CNTN5: variants seen among roughly 807,000 people sequenced by gnomAD.
The protein encoded by CNTN5 is contactin 5.
CNTN5 carries 77 observed loss-of-function variants against 129.1 expected under a neutral mutation model. The ratio of observed to expected loss-of-function variants is 0.60; its 90% CI spans 0.50 to 0.72. The LOEUF is 0.72. Ranked by LOEUF, CNTN5 falls within the 30% of genes least tolerant of loss-of-function variation. CNTN5 has a pLI of 0.00. For synonymous variants in CNTN5, 509 were observed against 465.6 expected, an observed-to-expected ratio of 1.09 and a Z score of -1.20; for missense variants, 1,478 against 1,328.8, an observed-to-expected ratio of 1.11 and a Z score of -1.75.
intron 18 of CNTN5, among the ~76,000 whole-genome samples, chr11:100,289,084 C>A (rs1050978632): frequency 1.3e-5 from 2 of 152,068 alleles, no homozygotes; most frequent in African/African-American, 2.4e-5. Flanking sequence ...CTGAACAGAC[C>A]AATAACAGGA....
At chr11:100,336,790 T>G (rs1257656008) in intron 21 of CNTN5, 1 of 341,414 alleles carries the variant, frequency 2.9e-6, no homozygotes, top group East Asian at 6.7e-5. Context: ...CTCCGGATTC[T>G]GAGGTGTTCT....
chr11:99,317,151 T>G (rs1461677), intron 1 of CNTN5, among the ~76,000 whole-genome samples: 142,834 of 152,118 alleles, frequency 0.94, 67,111 homozygotes, highest in East Asian at 1. Context: ...TAGGGGAGAT[T>G]ATTTTTTCAA....
chr11:99,195,260 T>C (rs1316458228), intron 1 of CNTN5, among the ~76,000 whole-genome samples: 1 of 152,180 alleles, frequency 6.6e-6, no homozygotes, highest in Non-Finnish European at 1.5e-5. Flanking sequence ...CATGCCCCTA[T>C]TACTAGACAT....
intron 2 of CNTN5, among the ~76,000 whole-genome samples, chr11:99,507,959 A>G (rs994906639): frequency 6.6e-6 from 1 of 152,294 alleles, no homozygotes; most frequent in Non-Finnish European, 1.5e-5. Flanking sequence ...TATGAAGTAA[A>G]TGTTAGTTTT....
chr11:100,354,081 T>C (rs1591538115), intron 24 of CNTN5, among the ~76,000 whole-genome samples: 1 of 151,706 alleles, frequency 6.6e-6, no homozygotes, highest in East Asian at 1.9e-4. Context: ...CCTCAATTAC[T>C]CTAAGCAAGT....
At position 99,698,534 on chromosome 11, in the gene CNTN5, G is replaced by A. The variant is rs147888685; in HGVS notation, c.56-121010G>A. On this transcript the variant is annotated intron_variant, in intron 3 of 24. Coordinates refer to ENST00000524871, the MANE Select transcript of CNTN5 (RefSeq NM_014361.4). ...CTGACTGTAGTTGCATGCTTATGGT[G>A]ACAGAGGCAATACTTTAACACTACC... is the stretch of plus-strand genomic sequence containing the variant. Among the ~76,000 whole-genome samples the A allele has an allele frequency of 1.3e-4, 19 of 151,490 alleles. No individual in the cohort carries two copies. In the East Asian group the frequency reaches 3.5e-3, roughly 28 times the overall value.
intron 1 of CNTN5, among the ~76,000 whole-genome samples, chr11:99,289,200 TCTTC>T (rs1320142676): frequency 1.3e-5 from 2 of 151,902 alleles, no homozygotes; most frequent in African/African-American, 4.8e-5. Flanking sequence ...TATGCTATTA[TCTTC>T]CTTCCTCTGC....
chr11:99,942,576 A>G (rs777221866), intron 7 of CNTN5, among the ~76,000 whole-genome samples: 3 of 152,064 alleles, frequency 2.0e-5, no homozygotes, highest in Non-Finnish European at 4.4e-5. Flanking sequence ...GGTTTGTTAC[A>G]TAGGTAATGT....
chr11:99,830,922 T>C (rs11221547), intron 4 of CNTN5, among the ~76,000 whole-genome samples: 23,717 of 152,164 alleles, frequency 0.16, 1,983 homozygotes, highest in Non-Finnish European at 0.18. Context: ...ATTTGAGGAC[T>C]GCTTCATTTT....
chr11:99,749,809 A>C (rs1944172830), intron 3 of CNTN5, among the ~76,000 whole-genome samples: 1 of 152,196 alleles, frequency 6.6e-6, no homozygotes, highest in African/African-American at 2.4e-5. Flanking sequence ...GGTTCCTGGA[A>C]GGTAAGATTG....
At chr11:100,340,232 T>C (rs902886188) in intron 21 of CNTN5, among the ~76,000 whole-genome samples, 27 of 152,216 alleles carry the variant, frequency 1.8e-4, no homozygotes, top group African/African-American at 6.5e-4. Context: ...TAGCAGGTTT[T>C]GTTGTTTTGC....
intron 1 of CNTN5, among the ~76,000 whole-genome samples, chr11:99,068,954 G>T (rs1865219976): frequency 6.6e-6 from 1 of 152,014 alleles, no homozygotes; most frequent in South Asian, 2.1e-4. Flanking sequence ...TCTTTTTCTA[G>T]ATTCTTACCT....
intron 3 of CNTN5, among the ~76,000 whole-genome samples, chr11:99,568,063 A>G (rs1311840619): frequency 6.6e-6 from 1 of 152,184 alleles, no homozygotes; most frequent in Non-Finnish European, 1.5e-5. Flanking sequence ...AGAAAAAGTT[A>G]ACTTATTAGG....
At chr11:100,292,789 A>T (rs1325472566) in intron 18 of CNTN5, among the ~76,000 whole-genome samples, 1 of 151,984 alleles carries the variant, frequency 6.6e-6, no homozygotes, top group Non-Finnish European at 1.5e-5. Context: ...TGGTTTCCCT[A>T]ATTCGTAGCG....
intron 7 of CNTN5, among the ~76,000 whole-genome samples, chr11:99,955,011 A>G (rs1265932148): frequency 6.6e-6 from 1 of 152,130 alleles, no homozygotes; most frequent in Non-Finnish European, 1.5e-5. Flanking sequence ...TGTAACAGAA[A>G]CAGTATTTTT....
intron 2 of CNTN5, among the ~76,000 whole-genome samples, chr11:99,507,886 A>G (rs1040167655): frequency 5.3e-5 from 8 of 152,238 alleles, no homozygotes; most frequent in African/African-American, 1.9e-4. Context: ...ATAAATAACT[A>G]TTACATGAGT....
chr11:99,714,554 G>T (rs1955139032), intron 3 of CNTN5, among the ~76,000 whole-genome samples: 2 of 151,876 alleles, frequency 1.3e-5, no homozygotes, highest in African/African-American at 4.8e-5. Flanking sequence ...CAAGGATTCT[G>T]TGCCATGCTG....
chr11:99,927,251 C>T (rs1340403507), intron 7 of CNTN5, among the ~76,000 whole-genome samples: 1 of 152,098 alleles, frequency 6.6e-6, no homozygotes, highest in Non-Finnish European at 1.5e-5. Flanking sequence ...ATTGTTACCA[C>T]CACATTGCAA....
At chr11:99,907,475 T>C (rs1565663941) in intron 6 of CNTN5, among the ~76,000 whole-genome samples, 2 of 151,926 alleles carry the variant, frequency 1.3e-5, no homozygotes, top group Non-Finnish European at 2.9e-5. Context: ...CAGTTGCCTA[T>C]TATTTTCCAA....
Sources: gnomAD v4.1 joint callset for allele counts (sites outside exome capture counted in the v4.1 genomes callset) on GRCh38, gnomAD v4.1.1 for gene constraint, MANE v1.5 for transcripts, NCBI Gene and HGNC (gene_info 2026-07-23, HGNC 2026-07-21) for gene names.